Variants in TTLL11 observed in about 807,000 individuals in gnomAD.
TTLL11 encodes tubulin polyglutamylase TTLL11.
TTLL11 carries 42 observed loss-of-function variants against 51.7 expected under a neutral mutation model. The observed-to-expected ratio is 0.81, with a 90% confidence interval of 0.64 to 1.05. The LOEUF (loss-of-function observed/expected upper bound fraction) is 1.05, where lower values mean the gene tolerates loss of function less well. TTLL11 is among the 50% of genes least tolerant of loss of function. TTLL11 has a pLI of 0.00. For missense variants in TTLL11, 799 were observed against 940.4 expected, an observed-to-expected ratio of 0.85 and a Z score of 1.97; for synonymous variants, 381 against 383.5, an observed-to-expected ratio of 0.99 and a Z score of 0.08.
At chr9:121,933,818 T>C (rs752669598) in intron 6 of TTLL11, among the ~76,000 whole-genome samples, 8 of 152,222 alleles carry the variant, frequency 5.3e-5, no homozygotes, top group Non-Finnish European at 1.2e-4. Flanking sequence ...GAGTGAAGTA[T>C]ATGAAGAAAA....
At chr9:121,826,425 T>C (rs1836775219) in intron 8 of TTLL11, among the ~76,000 whole-genome samples, 1 of 133,920 alleles carries the variant, frequency 7.5e-6, no homozygotes, top group African/African-American at 2.7e-5. Context: ...GTTATATATA[T>C]GGGTTTTACA....
chr9:121,911,748 C>T (rs575352489), intron 6 of TTLL11, among the ~76,000 whole-genome samples: 56 of 151,904 alleles, frequency 3.7e-4, no homozygotes, highest in East Asian at 1.4e-3. Context: ...CACATGGACA[C>T]GGAGGGGAAC....
At chr9:121,842,271 A>G (rs1468235733) in intron 8 of TTLL11, among the ~76,000 whole-genome samples, 3 of 151,620 alleles carry the variant, frequency 2.0e-5, no homozygotes, top group African/African-American at 7.3e-5. Context: ...AAAAAAAGAC[A>G]CGTGGTCTCT....
At position 121,821,590 on chromosome 9, in the gene TTLL11, G is replaced by A. The variant is rs570701219; in HGVS notation, c.*997C>T. Among the ~76,000 whole-genome samples the A allele has an allele frequency of 3.3e-5, 5 of 152,254 alleles. No homozygotes were observed. Among genetic ancestry groups the A allele is most frequent in the Non-Finnish European group, 5.9e-5 (4 of 68,018 alleles). On this transcript the variant is annotated 3_prime_UTR_variant, in exon 9 of 9. Coordinates refer to ENST00000321582, the MANE Select transcript of TTLL11 (RefSeq NM_001139442.2). The surrounding 1 kb of genome is among the most constrained non-coding windows in gnomAD (Gnocchi z 5.0). ...TGCCACCTTCTGCTGCCTGTGAGGCGTTTCCTCCGAGAGGGGGGCTACCTG... is the reference window on the plus strand; with the variant it reads ...TGCCACCTTCTGCTGCCTGTGAGGCATTTCCTCCGAGAGGGGGGCTACCTG...
chr9:122,019,206 T>A (rs1844093271), intron 3 of TTLL11, among the ~76,000 whole-genome samples: 1 of 152,170 alleles, frequency 6.6e-6, no homozygotes, highest in Non-Finnish European at 1.5e-5. Flanking sequence ...CTTCAGCATC[T>A]CTTCTGCCTA....
At chr9:121,840,963 C>A (rs551143781) in intron 8 of TTLL11, among the ~76,000 whole-genome samples, 1 of 152,302 alleles carries the variant, frequency 6.6e-6, no homozygotes, top group East Asian at 1.9e-4. Context: ...GGATAAGACA[C>A]CTACAAATAC....
intron 6 of TTLL11, among the ~76,000 whole-genome samples, chr9:121,874,483 C>T (rs953599117): frequency 6.6e-6 from 1 of 152,170 alleles, no homozygotes; most frequent in African/African-American, 2.4e-5. Flanking sequence ...AGTCTGAGAG[C>T]AACACTATTA....
In TTLL11 at chr9:121,853,526, T is replaced by C. The variant is rs1017710166; in HGVS notation, c.1840+6811A>G. On this transcript the variant is annotated intron_variant, in intron 8 of 8. Coordinates refer to ENST00000321582, the MANE Select transcript of TTLL11 (RefSeq NM_001139442.2). The surrounding 1 kb of genome is among the most constrained non-coding windows in gnomAD (Gnocchi z 5.6). ...GAGTGAGTGTGAGGCTAGTGATGAG[T>C]GGGGATGCAGAGTGGACAGGGGTCC... is the stretch of plus-strand genomic sequence containing the variant. Among the ~76,000 whole-genome samples, 1 of 151,180 alleles carries C rather than the reference T, an allele frequency of 6.6e-6. No homozygotes were observed. The highest frequency in any genetic ancestry group is 1.5e-5 in the Non-Finnish European group (1 of 67,822).
intron 6 of TTLL11, among the ~76,000 whole-genome samples, chr9:121,914,662 A>G (rs895982887): frequency 2.0e-5 from 3 of 151,596 alleles, no homozygotes; most frequent in Non-Finnish European, 4.4e-5. Context: ...CACGCAGCCC[A>G]CTCCTATGTC....
chr9:122,053,816 C>T (rs982411973), intron 1 of TTLL11, among the ~76,000 whole-genome samples: 7 of 152,122 alleles, frequency 4.6e-5, no homozygotes, highest in Admixed American at 2.0e-4. Flanking sequence ...GTCTCACCTC[C>T]GCCAGGTTCC....
chr9:122,027,927 A>G (rs933939500), intron 3 of TTLL11, among the ~76,000 whole-genome samples: 6 of 152,210 alleles, frequency 3.9e-5, no homozygotes, highest in African/African-American at 1.4e-4. Context: ...AAAAATAATA[A>G]CAATGTATTG....
chr9:122,050,357 C>T (rs1172938751), intron 1 of TTLL11, among the ~76,000 whole-genome samples: 4 of 152,162 alleles, frequency 2.6e-5, no homozygotes, highest in East Asian at 3.9e-4. Flanking sequence ...CTGCGGTGTG[C>T]GTGCACTTGG....
At chr9:122,032,158 T>C (rs969481515) in intron 2 of TTLL11, among the ~76,000 whole-genome samples, 1 of 152,212 alleles carries the variant, frequency 6.6e-6, no homozygotes, top group Non-Finnish European at 1.5e-5. Flanking sequence ...CCTTAGGTAA[T>C]GAATAGGGAA....
intron 6 of TTLL11, among the ~76,000 whole-genome samples, chr9:121,946,258 G>A (rs562370558): frequency 7.9e-5 from 12 of 152,354 alleles, no homozygotes; most frequent in African/African-American, 2.9e-4. Flanking sequence ...AGCGTGGCAT[G>A]CTTGGGGGTC....
intron 6 of TTLL11, among the ~76,000 whole-genome samples, chr9:121,909,654 A>G (rs1052628662): frequency 2.6e-5 from 4 of 152,192 alleles, no homozygotes; most frequent in Admixed American, 2.6e-4. Context: ...AGAGACACAA[A>G]GCAGAACAAG....
intron 6 of TTLL11, among the ~76,000 whole-genome samples, chr9:121,910,737 C>T (rs1840087684): frequency 6.6e-6 from 1 of 152,148 alleles, no homozygotes; most frequent in Non-Finnish European, 1.5e-5. Context: ...AAAATTCTTT[C>T]CTGTAAATGA....
intron 4 of TTLL11, among the ~76,000 whole-genome samples, chr9:121,985,373 G>A (rs1347592036): frequency 6.6e-6 from 1 of 152,084 alleles, no homozygotes; most frequent in Non-Finnish European, 1.5e-5. Context: ...GCAAGTCAAT[G>A]GCAGAACCTA....
At chr9:121,955,330 C>T (rs1034756852) in intron 6 of TTLL11, among the ~76,000 whole-genome samples, 3 of 151,986 alleles carry the variant, frequency 2.0e-5, no homozygotes, top group Non-Finnish European at 1.5e-5. Flanking sequence ...ATGATGTTAA[C>T]AATAGTAATA....
intron 6 of TTLL11, among the ~76,000 whole-genome samples, chr9:121,969,135 GC>G (rs1420926042): frequency 6.6e-6 from 1 of 152,186 alleles, no homozygotes; most frequent in Non-Finnish European, 1.5e-5. Context: ...CTCCCAAAGT[GC>G]TGGGATTACA....
Sources: allele counts gnomAD v4.1 joint callset (sites outside exome capture counted in the v4.1 genomes callset), GRCh38; gene constraint gnomAD v4.1.1; non-coding constraint Gnocchi (gnomAD v3.1); transcripts MANE v1.5; gene names NCBI Gene and HGNC (gene_info 2026-07-23, HGNC 2026-07-21).